The following FAAH2 variants were observed in gnomAD, a reference collection of about 807,000 sequenced individuals.
FAAH2 encodes fatty acid amide hydrolase 2, also known as fatty-acid amide hydrolase 2.
A neutral mutation model predicts 36.9 loss-of-function variants in FAAH2; 60 were observed. That is an observed-to-expected ratio of 1.63 (90% confidence interval 1.32 to 2.02). The LOEUF (loss-of-function observed/expected upper bound fraction) is 2.02, where lower values mean the gene tolerates loss of function less well. Ranked by LOEUF, FAAH2 falls within the 30% of genes most tolerant of loss-of-function variation. The pLI, the probability that FAAH2 is intolerant of heterozygous loss-of-function variation, is 0.00. For missense variants in FAAH2, 689 were observed against 397.5 expected (o/e 1.73, Z -6.23); for synonymous variants, 214 against 143.8 (o/e 1.49, Z -3.49).
At chrX:57,178,433 G>A in the FAAH2 span, among the ~76,000 whole-genome samples, 1 of 111,815 alleles carries the variant, frequency 8.9e-6, no homozygotes, top group South Asian at 3.7e-4. Flanking sequence ...TACAGTGGTA[G>A]CAGTGGTATT....
the FAAH2 span, among the ~76,000 whole-genome samples, chrX:57,143,357 C>T: frequency 7.2e-5 from 8 of 110,533 alleles, no homozygotes; most frequent in African/African-American, 2.0e-4. Context: ...TTAACTCGGA[C>T]GATGGTGGAG....
At chrX:57,236,972 T>C in the FAAH2 span, among the ~76,000 whole-genome samples, 2 of 111,977 alleles carry the variant, frequency 1.8e-5, no homozygotes, top group African/African-American at 3.2e-5. Flanking sequence ...TTTTTTCTGA[T>C]AGTTTTATAG....
At chrX:57,356,857 G>T (rs1379198939) in intron 5 of FAAH2, among the ~76,000 whole-genome samples, 1 of 110,530 alleles carries the variant, frequency 9.0e-6, no homozygotes, top group African/African-American at 3.3e-5. Flanking sequence ...TGTTACATAG[G>T]TATATACGTG....
chrX:57,489,106 A>G lies in FAAH2; in HGVS notation c.*174A>G. ...TCCTTCTCTAACTGTTGGTCTTACT[A>G]AAATGGTAATATTTGCTTCTTGCTT... On this transcript the variant is annotated 3_prime_UTR_variant, in exon 11 of 11. Transcript: ENST00000374900. 2.0e-6 allele frequency: 1 copy of G among 501,171 alleles called. No individual in the cohort carries two copies. 41.3% of individuals were successfully genotyped at this position (501,171 alleles called of 1,213,427 possible). A position where few individuals can be genotyped will look rare whatever the true frequency, so the allele number is the denominator to read the frequency against.
At chrX:57,395,422 T>C in intron 7 of FAAH2, 1 of 687,994 alleles carries the variant, frequency 1.5e-6, no homozygotes, top group Non-Finnish European at 2.3e-6. Context: ...CCTTTATTAG[T>C]CTGCTGCCCA....
rs766217473 is a variant in FAAH2, at chrX:57,393,834, C to A, written c.996+12805C>A. On this transcript the variant is annotated intron_variant, in intron 7 of 10. Transcript: ENST00000374900. ...ATCGTGATCTTCCTCAGGAATCTAT[C>A]ATTGGTATTCAACACTCTTTGCCAA... The A allele has an allele frequency of 1.4e-3, 1,179 of 870,959 alleles. 1 individual carries two copies. Among genetic ancestry groups the A allele is most frequent in the Non-Finnish European group, 1.5e-3 (901 of 586,150 alleles). 71.8% of individuals were successfully genotyped at this position (870,959 alleles called of 1,213,427 possible).
intron 10 of FAAH2, among the ~76,000 whole-genome samples, chrX:57,466,893 G>GC (rs2057060432): frequency 9.0e-6 from 1 of 111,080 alleles, no homozygotes; most frequent in Non-Finnish European, 1.9e-5. Context: ...AATGCAAGAT[G>GC]CCTATGAGCC....
the FAAH2 span, among the ~76,000 whole-genome samples, chrX:57,231,034 A>AGTGT: frequency 0.022 from 2,095 of 94,414 alleles, 30 homozygotes; most frequent in Middle Eastern, 0.044. Flanking sequence ...CTCCAAAGGA[A>AGTGT]GTGTGTGTGT....
At chrX:57,343,434 A>T (rs770486549) in intron 5 of FAAH2, among the ~76,000 whole-genome samples, 1 of 111,084 alleles carries the variant, frequency 9.0e-6, no homozygotes, top group East Asian at 2.8e-4. Flanking sequence ...AGAAGTGTCC[A>T]TTCATGTCAT....
chrX:57,410,096 T>A (rs753105395), intron 7 of FAAH2, among the ~76,000 whole-genome samples: 2 of 111,180 alleles, frequency 1.8e-5, no homozygotes, highest in African/African-American at 6.5e-5. Context: ...TGTCCAAGAT[T>A]TTTTTTTAAT....
At chrX:57,333,121 G>C (rs754652678) in intron 4 of FAAH2, among the ~76,000 whole-genome samples, 3 of 111,049 alleles carry the variant, frequency 2.7e-5, no homozygotes, top group Non-Finnish European at 3.8e-5. Flanking sequence ...TTTCTATAAT[G>C]GGAGTTCTAT....
the FAAH2 span, among the ~76,000 whole-genome samples, chrX:57,207,421 G>A: frequency 3.5e-3 from 390 of 111,902 alleles, 1 homozygote; most frequent in Middle Eastern, 0.014. Flanking sequence ...TGATTGAAAT[G>A]TCCATTCTTG....
At chrX:57,436,979 T>A (rs1286200557) in intron 8 of FAAH2, among the ~76,000 whole-genome samples, 1 of 110,576 alleles carries the variant, frequency 9.0e-6, no homozygotes, top group Non-Finnish European at 1.9e-5. Flanking sequence ...GCAAAACTCC[T>A]CAGCAAAATA....
In FAAH2 at chrX:57,407,221, G is replaced by A. The variant is rs150374572; in HGVS notation, c.997-24697G>A. ...GTATGTTTGCAGGGTATCTGTTGATGCAGTGAAATAAGAGCTGAGATTCCA... is the reference window on the plus strand; with the variant it reads ...GTATGTTTGCAGGGTATCTGTTGATACAGTGAAATAAGAGCTGAGATTCCA... On this transcript the variant is annotated intron_variant, in intron 7 of 10. Transcript: ENST00000374900. Among the ~76,000 whole-genome samples the A allele has an allele frequency of 5.1e-3, 571 of 111,959 alleles. 3 individuals carry two copies. Among genetic ancestry groups the A allele is most frequent in the African/African-American group, 0.017 (526 of 30,813 alleles).
At chrX:57,124,480 A>G in the FAAH2 span, among the ~76,000 whole-genome samples, 1 of 111,741 alleles carries the variant, frequency 8.9e-6, no homozygotes, top group African/African-American at 3.3e-5. Flanking sequence ...TTGACTTGGC[A>G]ATGCAGGCTC....
At chrX:57,282,794 A>T (rs2051766121), upstream of FAAH2, among the ~76,000 whole-genome samples, 2 of 111,736 alleles carry the variant, frequency 1.8e-5, no homozygotes, top group East Asian at 5.6e-4. Flanking sequence ...GTATTTCCTC[A>T]TGATTGCCAT....
intron 7 of FAAH2, among the ~76,000 whole-genome samples, chrX:57,402,235 G>A (rs944529271): frequency 2.7e-5 from 3 of 112,032 alleles, no homozygotes; most frequent in Non-Finnish European, 5.6e-5. Context: ...GCCTTCCCGT[G>A]ATTCCCTTGA....
Position 57,434,383 on chromosome X carries a change from G to T in FAAH2, c.1116+2346G>T, listed in dbSNP as rs1160159086. On this transcript the variant is annotated intron_variant, in intron 8 of 10. Transcript: ENST00000374900. ...GAGCCACCACACCTGGACCTTAAAT[G>T]GAAATTTGTAAAGCAATACAAATAT... is the stretch of plus-strand genomic sequence containing the variant. Among the ~76,000 whole-genome samples the T allele has an allele frequency of 6.4e-5, 7 of 109,736 alleles. No homozygotes were observed. The Admixed American group carries it at 6.9e-4, about 11-fold the overall frequency.
chrX:57,390,976 C>T (rs185606041), intron 7 of FAAH2, among the ~76,000 whole-genome samples: 4 of 111,329 alleles, frequency 3.6e-5, no homozygotes, highest in Admixed American at 9.6e-5. Flanking sequence ...TCTGCATTCT[C>T]GCCAACAACT....
Sources: gnomAD v4.1 joint callset for allele counts (sites outside exome capture counted in the v4.1 genomes callset) on GRCh38, gnomAD v4.1.1 for gene constraint, MANE v1.5 for transcripts, NCBI Gene and HGNC (gene_info 2026-07-23, HGNC 2026-07-21) for gene names.